The following C9orf72 variants were observed in gnomAD, a reference collection of about 807,000 sequenced individuals.
C9orf72 encodes the protein guanine nucleotide exchange factor C9orf72.
C9orf72 carries 44 observed loss-of-function variants against 51.6 expected under a neutral mutation model. The observed-to-expected ratio is 0.85, with a 90% CI of 0.67 to 1.10. C9orf72 has a LOEUF of 1.10. Ranked by LOEUF, C9orf72 falls within the 50% of genes least tolerant of loss-of-function variation. C9orf72 has a pLI of 0.00. For synonymous variants in C9orf72, 213 were observed against 194.2 expected, an observed-to-expected ratio of 1.10 and a Z score of -0.81; for missense variants, 607 against 570.6, an observed-to-expected ratio of 1.06 and a Z score of -0.65.
At chr9:27,556,394 A>G (rs1554660180) in intron 8 of C9orf72, 167 bp downstream of exon 8, 4 of 594,566 alleles carry the variant, frequency 6.7e-6, no homozygotes, top group Non-Finnish European at 1.2e-5. Flanking sequence ...TTGTATGGAA[A>G]AAGAAGAACA....
At chr9:27,558,817 A>C in intron 6 of C9orf72, 1 of 447,584 alleles carries the variant, frequency 2.2e-6, no homozygotes, top group Non-Finnish European at 4.0e-6. Context: ...TGCTTGGTAA[A>C]TTTACTGTAT....
At position 27,547,648 on chromosome 9, in the gene C9orf72, A is replaced by G. The variant is rs534596143; in HGVS notation, c.*588T>C. On this transcript the variant is annotated 3_prime_UTR_variant, in exon 11 of 11. Transcript: ENST00000380003. ...ATAGAGAACTATTAGACATTTCTAC[A>G]GACTGAATCCCAGGGACTAAATCCA... The G allele has an allele frequency of 6.5e-6, 1 of 152,708 alleles. No homozygotes were observed. Among genetic ancestry groups the G allele is most frequent in the Admixed American group, 6.5e-5 (1 of 15,306 alleles). The allele number at this position is 152,708 out of a possible 1,614,324, so 9.5% of individuals were successfully genotyped here. A position where few individuals can be genotyped will look rare whatever the true frequency, so the allele number is the denominator to read the frequency against.
chr9:27,563,526 G>C (rs193033386), intron 3 of C9orf72, among the ~76,000 whole-genome samples: 1 of 152,204 alleles, frequency 6.6e-6, no homozygotes, highest in East Asian at 1.9e-4. Flanking sequence ...TTTAATACTA[G>C]TTGTTTTTCC....
chr9:27,558,313 G>A (rs541244709), intron 7 of C9orf72, among the ~76,000 whole-genome samples, 178 bp downstream of exon 7: 1 of 151,850 alleles, frequency 6.6e-6, no homozygotes, highest in Admixed American at 6.6e-5. Context: ...TTTCACTGAT[G>A]ATACTAACTA....
In C9orf72 at chr9:27,562,376, C is replaced by CT; in HGVS notation, c.600+4dup. 1 of 1,522,812 alleles carries CT rather than the reference C, an allele frequency of 6.6e-7. No individual in the cohort carries two copies. The highest frequency in any genetic ancestry group is 9.0e-7 in the Non-Finnish European group (1 of 1,112,462). The allele number at this position is 1,522,812 out of a possible 1,614,324, so 94.3% of individuals were successfully genotyped here. A position where few individuals can be genotyped will look rare whatever the true frequency, so the allele number is the denominator to read the frequency against. ...AAGTGTATAATTGCTCTCATTTAAA[C>CT]TTACATCTATTTCTTCAGGAACACT... On this transcript the variant is annotated splice_donor_region_variant and intron_variant, in intron 4 of 10. Transcript: ENST00000380003.
At chr9:27,567,670 G>A (rs1038275996) in intron 1 of C9orf72, among the ~76,000 whole-genome samples, 1 of 152,142 alleles carries the variant, frequency 6.6e-6, no homozygotes, top group African/African-American at 2.4e-5. Flanking sequence ...ACGTGAATGT[G>A]ACCTTATCTA....
Position 27,565,576 on chromosome 9 carries a change from A to G in C9orf72, c.459T>C (p.Asn153=). 2 of 1,604,444 alleles carry G rather than the reference A, an allele frequency of 1.2e-6. No individual in the cohort carries two copies. The highest frequency in any genetic ancestry group is 1.7e-6 in the Non-Finnish European group (2 of 1,174,262). Residue 153 remains asparagine (N), a synonymous_variant, in exon 3 of 11, where the codon AAT becomes AAC. Coordinates refer to ENST00000380003, the MANE Select transcript of C9orf72 (RefSeq NM_018325.5). Reference sequence around the variant, plus strand: ...TGCCTTCTAAGATAATCTTCTGGACATTTTCTTGTCTTTCCTGAGCAAGAG... The same window carrying G: ...TGCCTTCTAAGATAATCTTCTGGACGTTTTCTTGTCTTTCCTGAGCAAGAG... The part of the protein sequence containing the change: ...RIWMHKERQE[N]VQKIILEGTE...
chr9:27,549,202 T>C (rs895143268), intron 9 of C9orf72, among the ~76,000 whole-genome samples: 6 of 152,234 alleles, frequency 3.9e-5, no homozygotes, highest in Admixed American at 1.3e-4. Flanking sequence ...AATTTTGCAT[T>C]CTACTTCAGA....
In C9orf72 at chr9:27,567,015, T is replaced by C; in HGVS notation, c.106A>G (p.Ile36Val). ...LAATFAYWDN[I>V]LGPRVRHIWA... ...ATGTGCCTTACTCTAGGACCAAGAA[T>C]ATTGTCCCAGTAAGCAAAAGTAGCT... The change falls in exon 2 of 11, where the codon ATT (isoleucine) becomes GTT (valine). Residue 36 changes from isoleucine to valine, a missense_variant. Physicochemically the swap from Ile to Val is conservative, Grantham distance 29 (BLOSUM62 3). Coordinates refer to ENST00000380003, the MANE Select transcript of C9orf72 (RefSeq NM_018325.5). The C allele has an allele frequency of 6.2e-7, 1 of 1,614,020 alleles. No homozygotes were observed. The highest frequency in any genetic ancestry group is 8.5e-7 in the Non-Finnish European group (1 of 1,179,892).
chr9:27,566,290 C>G (rs1819464962), intron 2 of C9orf72, among the ~76,000 whole-genome samples: 1 of 152,254 alleles, frequency 6.6e-6, no homozygotes, highest in Admixed American at 6.5e-5. Context: ...GGCTACATGA[C>G]CAACAGCTTA....
intron 8 of C9orf72, among the ~76,000 whole-genome samples, chr9:27,552,205 G>T (rs1431779992): frequency 6.6e-6 from 1 of 152,122 alleles, no homozygotes; most frequent in Non-Finnish European, 1.5e-5. Context: ...TGGTGAGAGT[G>T]GACATCCTTG....
At chr9:27,552,258 A>G (rs996157095) in intron 8 of C9orf72, among the ~76,000 whole-genome samples, 1 of 152,100 alleles carries the variant, frequency 6.6e-6, no homozygotes, top group African/African-American at 2.4e-5. Flanking sequence ...GCTTTTGCCC[A>G]TTTGGTAAGA....
chr9:27,560,515 C>A (rs1392238497), intron 5 of C9orf72: 1 of 694,862 alleles, frequency 1.4e-6, no homozygotes, highest in African/African-American at 1.9e-5. Context: ...TAAAACAGCC[C>A]AATTAGTCAG....
At chr9:27,568,723 T>C (rs140301835) in intron 1 of C9orf72, among the ~76,000 whole-genome samples, 2 of 152,358 alleles carry the variant, frequency 1.3e-5, no homozygotes, top group Admixed American at 6.5e-5. Context: ...ATTTAAAGTA[T>C]AGCACATACA....
intron 8 of C9orf72, among the ~76,000 whole-genome samples, chr9:27,552,384 G>A (rs146410418): frequency 6.6e-5 from 10 of 152,006 alleles, no homozygotes; most frequent in East Asian, 1.9e-4. Context: ...GTCTCACTCC[G>A]TTGCCCAGGC....
rs1369944696 is a variant in C9orf72, at chr9:27,561,677, T to C, written c.601-28A>G. Reference sequence around the variant, plus strand: ...AAAATGCATCAAAAAATAAAAAAATTAGTCTGGCTGTAACATAGTGTTGAA... The same window carrying C: ...AAAATGCATCAAAAAATAAAAAAATCAGTCTGGCTGTAACATAGTGTTGAA... On this transcript the variant is annotated intron_variant, in intron 4 of 10. Transcript: ENST00000380003. 2.1e-6 allele frequency: 3 copies of C among 1,427,798 alleles called. No homozygotes were observed. The East Asian group carries it at 6.9e-5, about 33-fold the overall frequency. 88.4% of individuals were successfully genotyped at this position (1,427,798 alleles called of 1,614,324 possible). A position where few individuals can be genotyped will look rare whatever the true frequency, so the allele number is the denominator to read the frequency against.
At chr9:27,572,078 GTTTAC>G (rs1819598471) in intron 1 of C9orf72, among the ~76,000 whole-genome samples, 2 of 152,144 alleles carry the variant, frequency 1.3e-5, no homozygotes, top group South Asian at 4.1e-4. Flanking sequence ...GTCCTCCTTG[GTTTAC>G]TTTGTTTCTC....
chr9:27,558,430 T>A (rs1347375026), intron 7 of C9orf72, 61 bp downstream of exon 7: 2 of 884,168 alleles, frequency 2.3e-6, no homozygotes, highest in East Asian at 2.4e-5. Flanking sequence ...GATTTGTCTA[T>A]AAAGAGTCTC....
chr9:27,572,197 A>T (rs1297308602), intron 1 of C9orf72, among the ~76,000 whole-genome samples: 2 of 152,238 alleles, frequency 1.3e-5, no homozygotes, highest in Non-Finnish European at 2.9e-5. Flanking sequence ...TGGCTTAGTG[A>T]ACAATCTGGA....
Sources: gnomAD v4.1 joint callset for allele counts (sites outside exome capture counted in the v4.1 genomes callset) on GRCh38, gnomAD v4.1.1 for gene constraint, MANE v1.5 for transcripts, NCBI Gene and HGNC (gene_info 2026-07-23, HGNC 2026-07-21) for gene names.